SUCLG2: variants seen among roughly 807,000 people sequenced by gnomAD.
SUCLG2 encodes succinate-CoA ligase GDP-forming subunit beta.
SUCLG2 carries 42 observed loss-of-function variants against 47.9 expected under a neutral mutation model. The ratio of observed to expected loss-of-function variants is 0.88; its 90% CI spans 0.69 to 1.14. The LOEUF (loss-of-function observed/expected upper bound fraction) is 1.14, where lower values mean the gene tolerates loss of function less well. Ranked by LOEUF, SUCLG2 falls within the 50% of genes most tolerant of loss-of-function variation. The pLI is 0.00. For missense variants in SUCLG2, 571 were observed against 525.9 expected (o/e 1.09, Z -0.84); for synonymous variants, 195 against 197.3 (o/e 0.99, Z 0.10).
chr3:67,553,298 C>T (rs987592555), intron 2 of SUCLG2, among the ~76,000 whole-genome samples: 1 of 152,168 alleles, frequency 6.6e-6, no homozygotes, highest in East Asian at 1.9e-4. Flanking sequence ...GGAATTGTTC[C>T]CTTTGTCCAT....
At chr3:67,554,779 G>A (rs1575774594) in intron 2 of SUCLG2, among the ~76,000 whole-genome samples, 1 of 152,134 alleles carries the variant, frequency 6.6e-6, no homozygotes, top group South Asian at 2.1e-4. Context: ...CTGGCTACCA[G>A]TAGCCATAAT....
intron 2 of SUCLG2, among the ~76,000 whole-genome samples, chr3:67,550,293 C>T (rs1036984147): frequency 2.6e-5 from 4 of 152,204 alleles, no homozygotes; most frequent in Non-Finnish European, 5.9e-5. Context: ...CCAACACCAA[C>T]ATCTAAGATC....
intron 1 of SUCLG2, among the ~76,000 whole-genome samples, chr3:67,629,734 G>C (rs1010824152): frequency 1.3e-5 from 2 of 152,190 alleles, no homozygotes; most frequent in African/African-American, 4.8e-5. Context: ...ACTATTTAAA[G>C]GGCCACCAGC....
In SUCLG2 at chr3:67,631,101, A is replaced by G. The variant is rs181958958; in HGVS notation, c.85-21505T>C. Among the ~76,000 whole-genome samples, 765 of 152,320 alleles carry G rather than the reference A, an allele frequency of 5.0e-3. 11 individuals carry two copies. The highest frequency in any genetic ancestry group is 0.017 in the African/African-American group (713 of 41,560). On this transcript the variant is annotated intron_variant, in intron 1 of 10. Transcript: ENST00000307227. ...CTGATGCTCTCTTACAACAGCACTG[A>G]GAGTCCCACAGGAGATCCTCACTAG...
rs564681926 is a variant in SUCLG2, at chr3:67,542,978, A to G, written c.227-13792T>C. Among the ~76,000 whole-genome samples the G allele has an allele frequency of 1.7e-3, 265 of 152,360 alleles. 1 individual carries two copies. The highest frequency in any genetic ancestry group is 6.2e-3 in the African/African-American group (259 of 41,592). ...TTTGGACCAAGCAGACCTAATAGACATCTACAGAACTCTCCACCCCCAATC... is the reference window on the plus strand; with the variant it reads ...TTTGGACCAAGCAGACCTAATAGACGTCTACAGAACTCTCCACCCCCAATC... On this transcript the variant is annotated intron_variant, in intron 2 of 10. Transcript: ENST00000307227.
At chr3:67,624,793 C>A (rs954417960) in intron 1 of SUCLG2, among the ~76,000 whole-genome samples, 1 of 151,968 alleles carries the variant, frequency 6.6e-6, no homozygotes, top group Admixed American at 6.6e-5. Context: ...TAAAATAATC[C>A]CTGAAAAAAA....
intron 1 of SUCLG2, among the ~76,000 whole-genome samples, chr3:67,626,822 A>G (rs186619525): frequency 1.3e-5 from 2 of 151,292 alleles, no homozygotes; most frequent in African/African-American, 4.9e-5. Context: ...GCTGAGGCAG[A>G]AGAATGGCGT....
chr3:67,554,429 C>A (rs1707102451), intron 2 of SUCLG2, among the ~76,000 whole-genome samples: 1 of 152,114 alleles, frequency 6.6e-6, no homozygotes, highest in Non-Finnish European at 1.5e-5. Context: ...TTCTTACAAA[C>A]TTCTATAAAT....
intron 1 of SUCLG2, among the ~76,000 whole-genome samples, chr3:67,650,520 G>A (rs1023103740): frequency 6.6e-6 from 1 of 152,188 alleles, no homozygotes; most frequent in Non-Finnish European, 1.5e-5. Context: ...ACTTTGGGAG[G>A]CTGAAGGGGG....
chr3:67,559,862 T>C (rs1707262103), intron 2 of SUCLG2, among the ~76,000 whole-genome samples: 1 of 151,834 alleles, frequency 6.6e-6, no homozygotes, highest in Non-Finnish European at 1.5e-5. Context: ...TAAACCCTAA[T>C]GTAAATTATG....
chr3:67,571,286 G>A (rs1211282295), intron 2 of SUCLG2, among the ~76,000 whole-genome samples: 2 of 152,134 alleles, frequency 1.3e-5, no homozygotes, highest in Admixed American at 6.5e-5. Flanking sequence ...GGCCAGGGAT[G>A]CTGCTAACCA....
At chr3:67,603,736 A>G (rs1039201567) in intron 2 of SUCLG2, among the ~76,000 whole-genome samples, 6 of 152,236 alleles carry the variant, frequency 3.9e-5, no homozygotes, top group Non-Finnish European at 8.8e-5. Flanking sequence ...TAGTGATCCT[A>G]GATATGTTTC....
At chr3:67,599,358 A>G (rs1708363932) in intron 2 of SUCLG2, among the ~76,000 whole-genome samples, 1 of 152,164 alleles carries the variant, frequency 6.6e-6, no homozygotes, top group Non-Finnish European at 1.5e-5. Context: ...GAGGACAATG[A>G]GCGAAAGGTA....
At chr3:67,385,860 A>C (rs140171843) in intron 10 of SUCLG2, among the ~76,000 whole-genome samples, 415 of 152,314 alleles carry the variant, frequency 2.7e-3, no homozygotes, top group African/African-American at 9.3e-3. Context: ...CCTAACCCCA[A>C]GGCTTGGCTG....
chr3:67,508,864 T>G lies in SUCLG2; in HGVS notation c.700A>C (p.Lys234Gln). 6.2e-7 allele frequency: 1 copy of G among 1,612,838 alleles called. No homozygotes were observed. The highest frequency in any genetic ancestry group is 8.5e-7 in the Non-Finnish European group (1 of 1,179,576). The stretch of plus-strand genomic sequence containing the variant: ...ACTTCCACCTGAGTAGCATCAATTT[T>G]CAGGAAGAGATTATACAGCTTCGTA... ...QITKLYNLFLKIDATQVEVNP... is the reference protein window; with the variant it reads ...QITKLYNLFLQIDATQVEVNP... Residue 234 changes from lysine (K) to glutamine (Q), a missense_variant, in exon 7 of 11, where the codon AAA becomes CAA. Physicochemically the swap from Lys to Gln is moderately conservative, Grantham distance 53. Transcript: ENST00000307227.
chr3:67,607,669 T>C (rs1252612347), intron 2 of SUCLG2, among the ~76,000 whole-genome samples: 2 of 152,148 alleles, frequency 1.3e-5, no homozygotes, highest in African/African-American at 4.8e-5. Flanking sequence ...GGTTTGGCTG[T>C]CCCCACCCAA....
intron 2 of SUCLG2, among the ~76,000 whole-genome samples, chr3:67,607,312 C>T (rs1434233115): frequency 4.0e-5 from 6 of 151,886 alleles, no homozygotes; most frequent in Admixed American, 3.9e-4. Context: ...AAGATTGGGA[C>T]AAAAAAATGA....
intron 1 of SUCLG2, among the ~76,000 whole-genome samples, chr3:67,621,579 T>C (rs181535246): frequency 6.6e-6 from 1 of 152,284 alleles, no homozygotes; most frequent in East Asian, 1.9e-4. Flanking sequence ...TCTGAGAGCT[T>C]TGCCCTCATG....
intron 9 of SUCLG2, among the ~76,000 whole-genome samples, chr3:67,468,005 A>C (rs976141476): frequency 2.0e-5 from 3 of 152,210 alleles, no homozygotes; most frequent in Non-Finnish European, 4.4e-5. Flanking sequence ...CATAATACAG[A>C]TGCCCAAATG....
Sources: allele counts gnomAD v4.1 joint callset (sites outside exome capture counted in the v4.1 genomes callset), GRCh38; gene constraint gnomAD v4.1.1; transcripts MANE v1.5; gene names NCBI Gene and HGNC (gene_info 2026-07-23, HGNC 2026-07-21).